The following NFIA variants were observed in gnomAD, a reference collection of about 807,000 sequenced individuals.
NFIA encodes nuclear factor I A.
In NFIA, 8 loss-of-function variants were observed where a neutral mutation model predicts 62.8. That is an observed-to-expected ratio of 0.13 (90% CI 0.07 to 0.23). The LOEUF (loss-of-function observed/expected upper bound fraction) is 0.23. NFIA is among the 10% of genes least tolerant of loss of function. NFIA has a pLI of 1.00. For synonymous variants in NFIA, 235 were observed against 238.1 expected, an observed-to-expected ratio of 0.99 and a Z score of 0.12; for missense variants, 410 against 642.1, an observed-to-expected ratio of 0.64 and a Z score of 3.91.
chr1:61,365,110 C>T (rs1013980525), intron 6 of NFIA, among the ~76,000 whole-genome samples: 4 of 152,236 alleles, frequency 2.6e-5, no homozygotes, highest in African/African-American at 7.2e-5. Flanking sequence ...TTGCTTGAGC[C>T]GAGGAACTCA....
chr1:61,239,591 A>C (rs549891253), intron 2 of NFIA, among the ~76,000 whole-genome samples: 10 of 152,258 alleles, frequency 6.6e-5, no homozygotes, highest in African/African-American at 1.9e-4. Context: ...AAGGTGATAA[A>C]ATTGTGTTTG....
intron 2 of NFIA, among the ~76,000 whole-genome samples, chr1:61,139,088 G>A (rs974325811): frequency 1.3e-5 from 2 of 152,096 alleles, no homozygotes; most frequent in African/African-American, 4.8e-5. Context: ...TGAAGCACAA[G>A]AACTGCTTGA....
intron 3 of NFIA, among the ~76,000 whole-genome samples, chr1:61,330,115 G>A (rs932345391): frequency 6.6e-6 from 1 of 152,192 alleles, no homozygotes; most frequent in East Asian, 1.9e-4. Flanking sequence ...TTTGGGTGCA[G>A]TAGAAAATGG....
chr1:61,130,443 AG>A (rs1647053994), intron 2 of NFIA, among the ~76,000 whole-genome samples: 1 of 152,246 alleles, frequency 6.6e-6, no homozygotes, highest in East Asian at 1.9e-4. Context: ...CTTGTACCCA[AG>A]GGAAGAGAAA....
At chr1:61,296,054 G>C (rs1659174620) in intron 3 of NFIA, among the ~76,000 whole-genome samples, 1 of 152,136 alleles carries the variant, frequency 6.6e-6, no homozygotes, top group African/African-American at 2.4e-5. Context: ...GGTACTGAAA[G>C]GTGTCTTTCT....
chr1:61,289,699 A>G (rs1658741871), intron 3 of NFIA, among the ~76,000 whole-genome samples: 1 of 152,224 alleles, frequency 6.6e-6, no homozygotes, highest in African/African-American at 2.4e-5. Context: ...GAGCACAAAC[A>G]ACGTTAGTTC....
chr1:61,381,434 G>GT (rs750073399), intron 6 of NFIA, among the ~76,000 whole-genome samples: 1 of 152,074 alleles, frequency 6.6e-6, no homozygotes, highest in Non-Finnish European at 1.5e-5. Flanking sequence ...GGTGTGACTG[G>GT]TTACTGATTC....
intron 2 of NFIA, among the ~76,000 whole-genome samples, chr1:61,225,234 C>T (rs1654255182): frequency 6.6e-6 from 1 of 150,550 alleles, no homozygotes; most frequent in Non-Finnish European, 1.5e-5. Context: ...AAAGCCATTA[C>T]ATGAGTTTTT....
chr1:61,236,701 G>T (rs534247419), intron 2 of NFIA, among the ~76,000 whole-genome samples: 1 of 150,096 alleles, frequency 6.7e-6, no homozygotes, highest in East Asian at 2.0e-4. Flanking sequence ...TTTCCTTATT[G>T]TCTAAAATGG....
intron 2 of NFIA, among the ~76,000 whole-genome samples, chr1:61,203,830 T>C (rs1009092373): frequency 2.0e-5 from 3 of 152,164 alleles, no homozygotes; most frequent in Non-Finnish European, 4.4e-5. Context: ...AAATCGACTT[T>C]AGTAGGAGCC....
At chr1:61,081,362 G>A (rs192002765), upstream of NFIA, among the ~76,000 whole-genome samples, 1 of 152,062 alleles carries the variant, frequency 6.6e-6, no homozygotes, top group Admixed American at 6.5e-5. Flanking sequence ...TAAAATAATT[G>A]CAGGAAGCTC....
chr1:61,136,712 A>G (rs113995901), intron 2 of NFIA, among the ~76,000 whole-genome samples: 34 of 152,310 alleles, frequency 2.2e-4, no homozygotes, highest in African/African-American at 8.2e-4. Context: ...GGATCTTTAT[A>G]TGCTGGGAGA....
intron 2 of NFIA, among the ~76,000 whole-genome samples, chr1:61,124,306 T>C (rs1646933608): frequency 6.6e-6 from 1 of 152,100 alleles, no homozygotes; most frequent in East Asian, 1.9e-4. Context: ...TGTGGATCCA[T>C]AGACAAGTAT....
At chr1:61,423,065 C>G (rs1025197652) in intron 9 of NFIA, among the ~76,000 whole-genome samples, 7 of 152,054 alleles carry the variant, frequency 4.6e-5, no homozygotes, top group African/African-American at 1.4e-4. Flanking sequence ...AAACTTACTG[C>G]TGTAGTGCAG....
intron 6 of NFIA, among the ~76,000 whole-genome samples, chr1:61,380,139 C>CTCCAATTCTATTTACTCTCA (rs879539225): frequency 2.0e-5 from 3 of 152,176 alleles, no homozygotes; most frequent in Non-Finnish European, 4.4e-5. Flanking sequence ...TGACATGTTT[C>CTCCAATTCTATTTACTCTCA]TCCAATTCTA....
chr1:61,451,566 G>A (rs1347852342), intron 10 of NFIA, among the ~76,000 whole-genome samples: 3 of 152,080 alleles, frequency 2.0e-5, no homozygotes, highest in Non-Finnish European at 2.9e-5. Context: ...CCCCACTCCC[G>A]CTCAGCACAT....
intron 2 of NFIA, among the ~76,000 whole-genome samples, chr1:61,145,335 G>A (rs1647846591): frequency 6.6e-6 from 1 of 152,142 alleles, no homozygotes; most frequent in South Asian, 2.1e-4. Context: ...CTAAAACAAA[G>A]TGCAATTATG....
chr1:61,297,891 A>G (rs984596892), intron 3 of NFIA, among the ~76,000 whole-genome samples: 2 of 152,172 alleles, frequency 1.3e-5, no homozygotes, highest in Non-Finnish European at 1.5e-5. Flanking sequence ...GGTTCCAAAA[A>G]AATAAAAAAG....
At chr1:61,131,375 G>T (rs1647076745) in intron 2 of NFIA, among the ~76,000 whole-genome samples, 1 of 152,088 alleles carries the variant, frequency 6.6e-6, no homozygotes, top group South Asian at 2.1e-4. Flanking sequence ...CAATTACTTT[G>T]TTCATTGACA....
Sources: allele counts gnomAD v4.1 joint callset (sites outside exome capture counted in the v4.1 genomes callset), GRCh38; gene constraint gnomAD v4.1.1; transcripts MANE v1.5; gene names NCBI Gene and HGNC (gene_info 2026-07-23, HGNC 2026-07-21).